The following GAS7 variants were observed in gnomAD, a reference collection of about 807,000 sequenced individuals.
GAS7 encodes the protein growth arrest specific 7.
GAS7 carries 28 observed loss-of-function variants against 71.1 expected under a neutral mutation model. The ratio of observed to expected loss-of-function variants is 0.39; its 90% CI spans 0.29 to 0.54. GAS7 has a LOEUF of 0.54. Ranked by LOEUF, GAS7 falls within the 20% of genes least tolerant of loss-of-function variation. The pLI, the probability that GAS7 is intolerant of heterozygous loss-of-function variation, is 0.62. For synonymous variants in GAS7, 258 were observed against 245.8 expected, an observed-to-expected ratio of 1.05 and a Z score of -0.46; for missense variants, 436 against 627.8, an observed-to-expected ratio of 0.69 and a Z score of 3.27.
intron 1 of GAS7, among the ~76,000 whole-genome samples, chr17:10,129,556 C>T (rs79592400): frequency 1.3e-5 from 2 of 151,978 alleles, no homozygotes; most frequent in African/African-American, 4.8e-5. Flanking sequence ...AAAAACTCTT[C>T]AAAAAAATAG....
intron 1 of GAS7, among the ~76,000 whole-genome samples, chr17:10,135,578 G>A (rs1408076138): frequency 3.3e-5 from 5 of 152,180 alleles, no homozygotes; most frequent in Non-Finnish European, 7.3e-5. Context: ...TCCTGATCTC[G>A]TCTTTTAATG....
At chr17:10,008,772 C>G (rs2071636783) in intron 2 of GAS7, among the ~76,000 whole-genome samples, 2 of 151,998 alleles carry the variant, frequency 1.3e-5, no homozygotes, top group South Asian at 4.1e-4. Context: ...CTGGCGCTCT[C>G]TCTCTCTCTC....
At chr17:10,097,858 A>G (rs531267149) in intron 1 of GAS7, among the ~76,000 whole-genome samples, 1 of 152,226 alleles carries the variant, frequency 6.6e-6, no homozygotes, top group South Asian at 2.1e-4. Flanking sequence ...AGCCTGGCCA[A>G]CATAGCGAAA....
At chr17:9,920,182 A>AGTGTGTGTGTGTGT (rs59320661) in intron 11 of GAS7, among the ~76,000 whole-genome samples, 11 of 141,154 alleles carry the variant, frequency 7.8e-5, no homozygotes, top group African/African-American at 2.8e-4. Flanking sequence ...AGATCATGTA[A>AGTGTGTGTGTGTGT]GTGTGTGTGT....
chr17:10,025,485 C>T (rs1420222287), intron 1 of GAS7, among the ~76,000 whole-genome samples: 2 of 151,814 alleles, frequency 1.3e-5, no homozygotes, highest in East Asian at 1.9e-4. Flanking sequence ...CAGGCCGTCA[C>T]GTTCCCTAGC....
intron 1 of GAS7, among the ~76,000 whole-genome samples, chr17:10,150,591 C>CTTTTCTT (rs1555537611): frequency 1.1e-4 from 13 of 118,958 alleles, no homozygotes; most frequent in African/African-American, 4.1e-4. Flanking sequence ...TGTTACATTT[C>CTTTTCTT]TTTTTTTTTT....
chr17:9,983,665 G>C (rs1327380232), intron 2 of GAS7, among the ~76,000 whole-genome samples: 6 of 151,462 alleles, frequency 4.0e-5, no homozygotes, highest in Non-Finnish European at 1.5e-5. Flanking sequence ...GTGTGTGCCT[G>C]TAATCCAGCT....
At chr17:9,960,964 T>C (rs2069466451) in intron 4 of GAS7, among the ~76,000 whole-genome samples, 1 of 152,190 alleles carries the variant, frequency 6.6e-6, no homozygotes. Context: ...CCTCAAGCTT[T>C]GAGGTGCATC....
intron 1 of GAS7, among the ~76,000 whole-genome samples, chr17:10,050,660 A>C (rs1597751265): frequency 6.6e-6 from 1 of 152,274 alleles, no homozygotes; most frequent in East Asian, 1.9e-4. Context: ...CCTGAAGCAC[A>C]AGCTACTTCC....
chr17:10,017,697 C>T (rs1240763307), intron 2 of GAS7, among the ~76,000 whole-genome samples: 1 of 152,162 alleles, frequency 6.6e-6, no homozygotes, highest in Non-Finnish European at 1.5e-5. Flanking sequence ...TAGATAAAGT[C>T]TTATTGGAAC....
At chr17:10,188,688 G>C (rs950965460) in intron 1 of GAS7, among the ~76,000 whole-genome samples, 1 of 152,166 alleles carries the variant, frequency 6.6e-6, no homozygotes, top group Admixed American at 6.6e-5. Context: ...ACTCAGGCTA[G>C]AGTGCAGTGG....
chr17:9,967,072 T>C (rs9915443), intron 4 of GAS7, among the ~76,000 whole-genome samples: 33,839 of 151,684 alleles, frequency 0.22, 3,872 homozygotes, highest in Middle Eastern at 0.29. Flanking sequence ...AAAAAGAGTC[T>C]GACTCAATCC....
chr17:9,990,421 C>A (rs572149479), intron 2 of GAS7, among the ~76,000 whole-genome samples: 1 of 152,308 alleles, frequency 6.6e-6, no homozygotes, highest in Admixed American at 6.5e-5. Context: ...TCTGTTACAA[C>A]CTAGTCTCAA....
At chr17:10,042,722 G>A (rs890881724) in intron 1 of GAS7, among the ~76,000 whole-genome samples, 1 of 152,218 alleles carries the variant, frequency 6.6e-6, no homozygotes, top group Non-Finnish European at 1.5e-5. Context: ...GGTACAGGGA[G>A]GCTTCCCAAA....
intron 1 of GAS7, among the ~76,000 whole-genome samples, chr17:10,064,838 G>A (rs2073263965): frequency 6.6e-6 from 1 of 152,090 alleles, no homozygotes; most frequent in Admixed American, 6.6e-5. Context: ...AATTTGAGTG[G>A]GATTTCTTTT....
intron 2 of GAS7, 120 bp from the exon 3 acceptor site, chr17:9,982,004 TC>T: frequency 1.5e-6 from 1 of 657,016 alleles, no homozygotes; most frequent in East Asian, 2.7e-5. Flanking sequence ...ATCGCCCTCC[TC>T]CCCAACCCTG....
intron 1 of GAS7, among the ~76,000 whole-genome samples, chr17:10,178,047 C>T (rs1597837358): frequency 6.6e-6 from 1 of 152,066 alleles, no homozygotes; most frequent in Non-Finnish European, 1.5e-5. Flanking sequence ...GGTTTTCAAA[C>T]TGGGTCCTAC....
intron 1 of GAS7, among the ~76,000 whole-genome samples, chr17:10,158,412 C>T (rs1480105976): frequency 1.3e-5 from 2 of 150,108 alleles, no homozygotes; most frequent in African/African-American, 4.9e-5. Context: ...TTTGGGAGGC[C>T]GAGGTAGGAG....
intron 1 of GAS7, among the ~76,000 whole-genome samples, chr17:10,085,126 C>G (rs935039422): frequency 6.6e-6 from 1 of 152,210 alleles, no homozygotes; most frequent in Non-Finnish European, 1.5e-5. Context: ...GAGGTTTCCC[C>G]GGTCTCTGCC....
Sources: allele counts gnomAD v4.1 joint callset (sites outside exome capture counted in the v4.1 genomes callset), GRCh38; gene constraint gnomAD v4.1.1; transcripts MANE v1.5; gene names NCBI Gene and HGNC (gene_info 2026-07-23, HGNC 2026-07-21).